The following SLC35A3 variants were observed in gnomAD, a reference collection of about 807,000 sequenced individuals.
The protein encoded by SLC35A3 is solute carrier family 35 member A3, also known as UDP-N-acetylglucosamine transporter.
SLC35A3 carries 26 observed loss-of-function variants against 39.0 expected under a neutral mutation model. The observed-to-expected ratio is 0.67, with a 90% CI of 0.49 to 0.92. SLC35A3 has a LOEUF of 0.92. Among genes scored for constraint, SLC35A3 ranks in the 40% least tolerant of loss-of-function variants. The pLI is 0.00. For synonymous variants in SLC35A3, 135 were observed against 133.1 expected (o/e 1.01, Z -0.10); for missense variants, 299 against 371.6 (o/e 0.80, Z 1.61).
intron 4 of SLC35A3, among the ~76,000 whole-genome samples, chr1:100,010,074 G>T (rs1001169795): frequency 1.3e-5 from 2 of 152,124 alleles, no homozygotes; most frequent in Admixed American, 6.6e-5. Context: ...TAAAATTTCA[G>T]TTCCTTGGTC....
At position 100,030,197 on chromosome 1, in the gene SLC35A3, A is replaced by G. The variant is rs1354006393; in HGVS notation, c.*7721A>G. On this transcript the variant is annotated 3_prime_UTR_variant, in exon 8 of 8. Coordinates refer to ENST00000533028, the MANE Select transcript of SLC35A3 (RefSeq NM_012243.3). ...CATTCATTCATTTAGGATTTCTAAA[A>G]TGTTAGAGGTAATTTGTTTAAAACA... 6.6e-6 allele frequency: 1 copy of G among 152,174 alleles called. No individual in the cohort carries two copies. Among genetic ancestry groups the G allele is most frequent in the Non-Finnish European group, 1.5e-5 (1 of 68,024 alleles). The allele number at this position is 152,174 out of a possible 1,614,324, so 9.4% of individuals were successfully genotyped here.
At chr1:100,010,181 A>G (rs761688836) in intron 4 of SLC35A3, among the ~76,000 whole-genome samples, 1 of 152,208 alleles carries the variant, frequency 6.6e-6, no homozygotes, top group African/African-American at 2.4e-5. Flanking sequence ...CCAAAGAGTC[A>G]GTTGACTAGA....
At chr1:100,007,466 C>T (rs1659322171) in intron 4 of SLC35A3, 2 of 181,450 alleles carry the variant, frequency 1.1e-5, no homozygotes, top group African/African-American at 4.8e-5. Context: ...TTATTAGCCA[C>T]TCCCTTTTTA....
chr1:99,973,845 T>A (rs1236965463), intron 1 of SLC35A3, among the ~76,000 whole-genome samples: 2 of 152,064 alleles, frequency 1.3e-5, no homozygotes, highest in Non-Finnish European at 2.9e-5. Context: ...TGAAACCCTG[T>A]CTCTACTAAA....
At chr1:100,010,926 TG>T (rs879689266) in intron 4 of SLC35A3, among the ~76,000 whole-genome samples, 18 of 152,006 alleles carry the variant, frequency 1.2e-4, no homozygotes, top group Non-Finnish European at 1.9e-4. Flanking sequence ...TGACAGTGTT[TG>T]GGGGGGTTCA....
intron 3 of SLC35A3, among the ~76,000 whole-genome samples, chr1:100,006,564 G>A (rs1557838488): frequency 1.3e-5 from 2 of 152,080 alleles, no homozygotes; most frequent in Admixed American, 1.3e-4. Flanking sequence ...AGGGTCAGTC[G>A]CTAGCCCCCA....
In SLC35A3 at chr1:100,033,479, T is replaced by G. The variant is rs931443575; in HGVS notation, c.*11003T>G. On this transcript the variant is annotated 3_prime_UTR_variant, in exon 8 of 8. Transcript: ENST00000533028. ...CAATTTATCTTTCATGTGTTTCTTTTTAAAAAGCAAACAAATATGCATATT... is the reference window on the plus strand; with the variant it reads ...CAATTTATCTTTCATGTGTTTCTTTGTAAAAAGCAAACAAATATGCATATT... The G allele has an allele frequency of 2.6e-5, 4 of 152,156 alleles. No individual in the cohort carries two copies. 9.4% of individuals were successfully genotyped at this position (152,156 alleles called of 1,614,324 possible). A position where few individuals can be genotyped will look rare whatever the true frequency, so the allele number is the denominator to read the frequency against.
At chr1:99,972,524 CG>C (rs1656878920) in intron 1 of SLC35A3, among the ~76,000 whole-genome samples, 1 of 149,840 alleles carries the variant, frequency 6.7e-6, no homozygotes. Context: ...TTAGTAGAGA[CG>C]GGGGTTTCAC....
intron 6 of SLC35A3, 56 bp from the exon 7 acceptor site, chr1:100,017,626 G>A: frequency 8.6e-7 from 1 of 1,158,530 alleles, no homozygotes; most frequent in South Asian, 1.6e-5. Flanking sequence ...TACTGAAAGT[G>A]TTTTGAAATG....
intron 1 of SLC35A3, among the ~76,000 whole-genome samples, chr1:99,972,331 CTTT>C (rs761559206): frequency 3.0e-5 from 4 of 132,002 alleles, no homozygotes; most frequent in Admixed American, 7.6e-5. Flanking sequence ...GTACTTACTA[CTTT>C]TTTTTTTTTT....
Position 100,011,367 on chromosome 1 carries a change from G to A in SLC35A3, c.468G>A (p.Trp156Ter). 1 of 1,466,688 alleles carries A rather than the reference G, an allele frequency of 6.8e-7. No homozygotes were observed. The highest frequency in any genetic ancestry group is 9.2e-7 in the Non-Finnish European group (1 of 1,090,600). 90.9% of individuals were successfully genotyped at this position (1,466,688 alleles called of 1,614,324 possible). ...ILMTGVAFVQ[W>*]PSDSQLDSKE... ...ATTTTATTTTTCTTCTTATTTAGTGGCCCTCAGATTCTCAGCTTGATTCTA... is the reference window on the plus strand; with the variant it reads ...ATTTTATTTTTCTTCTTATTTAGTGACCCTCAGATTCTCAGCTTGATTCTA... The change falls in exon 5 of 8, where the codon TGG becomes TGA. Residue 156 changes from tryptophan to a stop codon, truncating the protein, a stop_gained and splice_region_variant. Transcript: ENST00000533028. LOFTEE classifies it high-confidence loss of function.
chr1:99,989,501 C>T (rs1005497798), intron 1 of SLC35A3, among the ~76,000 whole-genome samples: 22 of 152,114 alleles, frequency 1.4e-4, no homozygotes, highest in Admixed American at 5.9e-4. Context: ...CCAGGCCGCT[C>T]TTGAACTCCT....
intron 1 of SLC35A3, among the ~76,000 whole-genome samples, chr1:99,983,177 T>C (rs529803930): frequency 6.6e-6 from 1 of 152,054 alleles, no homozygotes; most frequent in African/African-American, 2.4e-5. Context: ...ATTGTGTGTG[T>C]GTGGGTGTGT....
Position 100,004,938 on chromosome 1 carries a change from G to A in SLC35A3, c.343-2096G>A, listed in dbSNP as rs546707894. Among the ~76,000 whole-genome samples, 442 of 151,894 alleles carry A rather than the reference G, an allele frequency of 2.9e-3. 3 individuals are homozygous for A. Among genetic ancestry groups the A allele is most frequent in the African/African-American group, 0.01 (427 of 41,426 alleles). ...TGCCCTGCTAATTTTTGTATTTTTA[G>A]TAGAGACGGGGTTTCATCATGTTGG... is the stretch of plus-strand genomic sequence containing the variant. On this transcript the variant is annotated intron_variant, in intron 3 of 7. Transcript: ENST00000533028.
intron 1 of SLC35A3, among the ~76,000 whole-genome samples, chr1:99,982,614 T>A (rs1159331497): frequency 4.6e-5 from 7 of 152,268 alleles, no homozygotes; most frequent in South Asian, 4.1e-4. Flanking sequence ...ACTATAGATT[T>A]TAGTGTGTTT....
chr1:99,980,498 G>A (rs551262620), intron 1 of SLC35A3, among the ~76,000 whole-genome samples: 36 of 152,264 alleles, frequency 2.4e-4, no homozygotes, highest in Non-Finnish European at 3.7e-4. Flanking sequence ...ACATTAGAAT[G>A]CAAATAGGTT....
intron 1 of SLC35A3, chr1:99,970,493 G>C (rs1300596674): frequency 2.1e-6 from 3 of 1,413,132 alleles, no homozygotes; most frequent in Non-Finnish European, 2.9e-6. Flanking sequence ...AGCTAGTGAC[G>C]GGTGGGCCCG....
intron 1 of SLC35A3, among the ~76,000 whole-genome samples, chr1:99,980,034 ACT>A (rs1657365337): frequency 6.7e-6 from 1 of 149,938 alleles, no homozygotes; most frequent in African/African-American, 2.5e-5. Flanking sequence ...ACAGAGCAAG[ACT>A]CTGTCTCTCT....
At chr1:99,974,225 T>C (rs1019390339) in intron 1 of SLC35A3, among the ~76,000 whole-genome samples, 1 of 152,196 alleles carries the variant, frequency 6.6e-6, no homozygotes, top group Non-Finnish European at 1.5e-5. Context: ...TTTTCTATCA[T>C]GAGTAGGTTT....
Sources: gnomAD v4.1 joint callset for allele counts (sites outside exome capture counted in the v4.1 genomes callset) on GRCh38, gnomAD v4.1.1 for gene constraint, MANE v1.5 for transcripts, NCBI Gene and HGNC (gene_info 2026-07-23, HGNC 2026-07-21) for gene names.